Variants in CDC14A observed in about 807,000 individuals in gnomAD.
CDC14A encodes the protein dual specificity protein phosphatase CDC14A.
CDC14A carries 53 observed loss-of-function variants against 74.4 expected under a neutral mutation model. The ratio of observed to expected loss-of-function variants is 0.71; its 90% confidence interval spans 0.57 to 0.89. The LOEUF (loss-of-function observed/expected upper bound fraction) is 0.89. CDC14A is among the 40% of genes least tolerant of loss of function. The pLI is 0.00. For missense variants in CDC14A, 646 were observed against 713.7 expected (o/e 0.91, Z 1.08); for synonymous variants, 247 against 258.4 (o/e 0.96, Z 0.43).
intron 15 of CDC14A, among the ~76,000 whole-genome samples, chr1:100,507,742 C>T (rs984942585): frequency 6.6e-6 from 1 of 152,112 alleles, no homozygotes; most frequent in Non-Finnish European, 1.5e-5. Context: ...CAGCTCACTG[C>T]AACCTCCACC....
chr1:100,399,183 A>G (rs1658929963), intron 4 of CDC14A, among the ~76,000 whole-genome samples: 1 of 152,122 alleles, frequency 6.6e-6, no homozygotes, highest in Non-Finnish European at 1.5e-5. Flanking sequence ...ATTGCAGTGT[A>G]GTTTTTTGAG....
chr1:100,352,485 A>G (rs542747022), upstream of CDC14A: 1,118 of 1,023,536 alleles, frequency 1.1e-3, 10 homozygotes, highest in African/African-American at 0.018. Context: ...TGCTGAAAGG[A>G]GGTGGCGAAG....
At position 100,466,382 on chromosome 1, in the gene CDC14A, G is replaced by A. The variant is rs368233692; in HGVS notation, c.839-1574G>A. ...GCCAGGCATCTAGGGAATTAACAAC[G>A]ATAGGCACTGGGTGAAATAGAAGGC... is the stretch of plus-strand genomic sequence containing the variant. On this transcript the variant is annotated intron_variant, in intron 9 of 15. Transcript: ENST00000336454. 4.5e-4 allele frequency among the ~76,000 whole-genome samples: 69 copies of A among 152,282 alleles called. 1 individual carries two copies. In the South Asian group the frequency reaches 0.013, roughly 29 times the overall value.
At chr1:100,504,037 A>G (rs1649020783) in intron 15 of CDC14A, among the ~76,000 whole-genome samples, 1 of 152,166 alleles carries the variant, frequency 6.6e-6, no homozygotes, top group Non-Finnish European at 1.5e-5. Flanking sequence ...ATAATCCACT[A>G]GACTATATGC....
At chr1:100,377,223 A>G (rs1655393769) in intron 2 of CDC14A, among the ~76,000 whole-genome samples, 1 of 152,096 alleles carries the variant, frequency 6.6e-6, no homozygotes, top group South Asian at 2.1e-4. Context: ...TATTTTTAGT[A>G]GAGATGGGGT....
At position 100,347,225 on chromosome 1, in the gene CDC14A, C is replaced by A. The variant is rs148514177; in HGVS notation, c.-126+2042C>A. Among the ~76,000 whole-genome samples, 220 of 152,280 alleles carry A rather than the reference C, an allele frequency of 1.4e-3. 1 individual carries two copies. Among genetic ancestry groups the A allele is most frequent in the South Asian group, 0.013 (62 of 4,830 alleles). ...ATAATGAATACTGGTCTTATTTCCACCAGCTATGTGAGTTTGGGAAATCAG... is the reference window on the plus strand; with the variant it reads ...ATAATGAATACTGGTCTTATTTCCAACAGCTATGTGAGTTTGGGAAATCAG... On this transcript the variant is annotated intron_variant, in intron 1 of 14. Transcript: ENST00000635056.
At chr1:100,511,836 C>T (rs1400594770) in intron 15 of CDC14A, among the ~76,000 whole-genome samples, 1 of 152,192 alleles carries the variant, frequency 6.6e-6, no homozygotes, top group African/African-American at 2.4e-5. Flanking sequence ...TTCCTCTATA[C>T]TGTTGCCAGT....
Position 100,484,459 on chromosome 1 carries a change from T to G in CDC14A, c.1137+8T>G, listed in dbSNP as rs747507053. On this transcript the variant is annotated splice_region_variant and intron_variant, in intron 11 of 15. Coordinates refer to ENST00000336454, the MANE Select transcript of CDC14A (RefSeq NM_003672.4). Reference sequence around the variant, plus strand: ...ATGGAACGATTTGGAGAGGTAAGTTTTCCCTAGGAGATTCTATCTTCTTAA... The same window carrying G: ...ATGGAACGATTTGGAGAGGTAAGTTGTCCCTAGGAGATTCTATCTTCTTAA... 38 of 1,595,408 alleles carry G rather than the reference T, an allele frequency of 2.4e-5. No individual in the cohort carries two copies. Among genetic ancestry groups the G allele is most frequent in the Non-Finnish European group, 3.0e-5 (35 of 1,173,246 alleles).
chr1:100,459,869 G>A lies in CDC14A; in HGVS notation c.608-2782G>A, dbSNP rs76551128. Reference sequence around the variant, plus strand: ...AGGTCATAGGACATTTCCATTGTTCGTTATAATTTATTCTAAACAGTTTTA... The same window carrying A: ...AGGTCATAGGACATTTCCATTGTTCATTATAATTTATTCTAAACAGTTTTA... On this transcript the variant is annotated intron_variant, in intron 8 of 15. Transcript: ENST00000336454. Among the ~76,000 whole-genome samples the A allele has an allele frequency of 7.3e-3, 1,111 of 152,220 alleles. 11 individuals are homozygous for A. Among genetic ancestry groups the A allele is most frequent in the African/African-American group, 0.026 (1,060 of 41,536 alleles).
chr1:100,347,176 A>G (rs1299636963), intron 1 of CDC14A, among the ~76,000 whole-genome samples: 1 of 152,244 alleles, frequency 6.6e-6, no homozygotes, highest in Non-Finnish European at 1.5e-5. Context: ...AAAAATTAAG[A>G]AAAGGTTGTT....
intron 15 of CDC14A, among the ~76,000 whole-genome samples, chr1:100,502,499 G>GTATACTTA (rs1648850717): frequency 6.6e-6 from 1 of 152,210 alleles, no homozygotes; most frequent in Admixed American, 6.5e-5. Flanking sequence ...ATCTAGGTTT[G>GTATACTTA]TATAAGTGCA....
chr1:100,349,672 C>G (rs1463937010), upstream of CDC14A, among the ~76,000 whole-genome samples: 2 of 152,164 alleles, frequency 1.3e-5, no homozygotes, highest in African/African-American at 4.8e-5. Context: ...GAGACAGGGT[C>G]TCACTCTGTC....
At chr1:100,455,022 A>G (rs1666542087) in intron 7 of CDC14A, among the ~76,000 whole-genome samples, 1 of 152,188 alleles carries the variant, frequency 6.6e-6, no homozygotes, top group Non-Finnish European at 1.5e-5. Flanking sequence ...ATGTTTTTTC[A>G]TTGTTTAAAA....
intron 14 of CDC14A, 134 bp from the exon 15 acceptor site, chr1:100,498,795 C>T: frequency 7.9e-7 from 1 of 1,259,992 alleles, no homozygotes; most frequent in Non-Finnish European, 1.1e-6. Context: ...GCCATCCTGA[C>T]ATCATTCACA....
chr1:100,413,206 A>G (rs1661101814), intron 4 of CDC14A, among the ~76,000 whole-genome samples: 1 of 152,158 alleles, frequency 6.6e-6, no homozygotes, highest in Non-Finnish European at 1.5e-5. Context: ...GATGGGCAAA[A>G]CTCTTGTTTC....
At chr1:100,353,661 TG>T in intron 1 of CDC14A, 100 bp from the exon 2 acceptor site, 1 of 665,092 alleles carries the variant, frequency 1.5e-6, no homozygotes, top group Non-Finnish European at 2.7e-6. Flanking sequence ...CACGTGTTAA[TG>T]GGGTCTTTAA....
intron 3 of CDC14A, among the ~76,000 whole-genome samples, chr1:100,386,864 A>G (rs1292247729): frequency 1.3e-5 from 2 of 152,210 alleles, no homozygotes; most frequent in African/African-American, 4.8e-5. Flanking sequence ...AAAGATCTCA[A>G]AAGAGAAGTT....
intron 10 of CDC14A, among the ~76,000 whole-genome samples, chr1:100,472,091 A>G (rs1337299983): frequency 1.3e-5 from 2 of 152,190 alleles, no homozygotes; most frequent in Non-Finnish European, 2.9e-5. Context: ...ACTTGTACCC[A>G]GAATACTTAC....
intron 2 of CDC14A, among the ~76,000 whole-genome samples, chr1:100,364,979 AG>A (rs1653365321): frequency 6.6e-6 from 1 of 152,188 alleles, no homozygotes; most frequent in African/African-American, 2.4e-5. Flanking sequence ...CCTCGGGTTA[AG>A]AAGGTAATAA....
Sources: gnomAD v4.1 joint callset for allele counts (sites outside exome capture counted in the v4.1 genomes callset) on GRCh38, gnomAD v4.1.1 for gene constraint, MANE v1.5 for transcripts, NCBI Gene and HGNC (gene_info 2026-07-23, HGNC 2026-07-21) for gene names.